The following SATL1 variants were observed in gnomAD, a reference collection of about 807,000 sequenced individuals.
SATL1 encodes the protein spermidine/spermine N1-acetyl transferase like 1, also known as spermidine/spermine N(1)-acetyltransferase-like protein 1.
SATL1 carries 47 observed loss-of-function variants against 51.8 expected under a neutral mutation model. The ratio of observed to expected loss-of-function variants is 0.91; its 90% CI spans 0.72 to 1.16. SATL1 has a LOEUF of 1.16. Ranked by LOEUF, SATL1 falls within the 50% of genes most tolerant of loss-of-function variation. SATL1 has a pLI of 0.00. For missense variants in SATL1, 520 were observed against 526.4 expected, an observed-to-expected ratio of 0.99 and a Z score of 0.12; for synonymous variants, 176 against 182.4, an observed-to-expected ratio of 0.97 and a Z score of 0.28.
chrX:85,170,230 C>A lies in SATL1; in HGVS notation c.-313+53975G>T, dbSNP rs140517340. Among the ~76,000 whole-genome samples the A allele has an allele frequency of 1.3e-4, 14 of 110,877 alleles. No individual in the cohort carries two copies. The East Asian group carries it at 3.4e-3, about 27-fold the overall frequency. ...ATCTGTACAACAAACCCCCATGAGA[C>A]GAGTTTTCCTCTATAACAAACCTGC... On this transcript the variant is annotated intron_variant, in intron 2 of 7. Transcript: ENST00000644105.
chrX:85,233,420 C>T (rs1310724565), intron 1 of SATL1, among the ~76,000 whole-genome samples: 1 of 112,219 alleles, frequency 8.9e-6, no homozygotes, highest in Non-Finnish European at 1.9e-5. Context: ...GAAAACATGA[C>T]CTCACCAAAC....
At chrX:85,225,332 G>T (rs1928257164) in intron 1 of SATL1, among the ~76,000 whole-genome samples, 2 of 112,167 alleles carry the variant, frequency 1.8e-5, no homozygotes, top group African/African-American at 6.5e-5. Context: ...CTGTAATACT[G>T]AATTAAAGTT....
At chrX:85,224,466 A>AT (rs962684172) in intron 1 of SATL1, 140 bp from the exon 2 acceptor site, 3 of 111,434 alleles carry the variant, frequency 2.7e-5, no homozygotes, top group African/African-American at 9.8e-5. Flanking sequence ...CTATGATAAA[A>AT]TTTTTTTCTA....
At chrX:85,168,194 G>T (rs1010046582) in intron 2 of SATL1, among the ~76,000 whole-genome samples, 3 of 111,220 alleles carry the variant, frequency 2.7e-5, no homozygotes, top group African/African-American at 9.8e-5. Context: ...ATGGGCAAAA[G>T]CTGGAAGTGT....
At chrX:85,145,448 T>A (rs1026564479) in intron 2 of SATL1, among the ~76,000 whole-genome samples, 1 of 112,165 alleles carries the variant, frequency 8.9e-6, no homozygotes, top group Admixed American at 9.5e-5. Context: ...TATTACTGTA[T>A]AATAGGCCAT....
At chrX:85,235,262 G>C (rs1040687324) in intron 1 of SATL1, among the ~76,000 whole-genome samples, 8 of 110,566 alleles carry the variant, frequency 7.2e-5, no homozygotes, top group African/African-American at 2.6e-4. Flanking sequence ...TAAAATAATA[G>C]ATGGAGACCT....
intron 2 of SATL1, among the ~76,000 whole-genome samples, chrX:85,119,663 A>G (rs12559726): frequency 0.029 from 3,188 of 110,938 alleles, 113 homozygotes; most frequent in African/African-American, 0.097. Flanking sequence ...GCCCTATTTA[A>G]GATGCTTAAA....
intron 4 of SATL1, among the ~76,000 whole-genome samples, chrX:85,101,368 G>C (rs762605339): frequency 8.9e-6 from 1 of 112,076 alleles, no homozygotes; most frequent in African/African-American, 3.2e-5. Flanking sequence ...ATTCCAAAAT[G>C]TGTAAATATC....
In SATL1 at chrX:85,145,979, C is replaced by G. The variant is rs184797225; in HGVS notation, c.-312-36699G>C. Among the ~76,000 whole-genome samples, 363 of 108,333 alleles carry G rather than the reference C, an allele frequency of 3.4e-3. 2 individuals carry two copies. Among genetic ancestry groups the G allele is most frequent in the African/African-American group, 0.011 (338 of 29,685 alleles). 94.1% of individuals were successfully genotyped at this position (108,333 alleles called of 115,157 possible). A position where few individuals can be genotyped will look rare whatever the true frequency, so the allele number is the denominator to read the frequency against. ...TGGCACGATCTCGGCTCACTGCAAGCTCCGCCTCCCGGGTTCACACCATTC... is the reference window on the plus strand; with the variant it reads ...TGGCACGATCTCGGCTCACTGCAAGGTCCGCCTCCCGGGTTCACACCATTC... On this transcript the variant is annotated intron_variant, in intron 2 of 7. Transcript: ENST00000644105.
rs72067285 is a variant in SATL1, at chrX:85,125,519, A to AGTGTGTGTGTGT, written c.-312-16251_-312-16240dup. 2.2e-3 allele frequency among the ~76,000 whole-genome samples: 213 copies of AGTGTGTGTGTGT among 98,620 alleles called. 1 individual carries two copies. Among genetic ancestry groups the AGTGTGTGTGTGT allele is most frequent in the African/African-American group, 7.4e-3 (202 of 27,130 alleles). The allele number at this position is 98,620 out of a possible 115,157, so 85.6% of individuals were successfully genotyped here. ...ACTTGAAGGTAAAAACACATAGGAA[A>AGTGTGTGTGTGT]GTGTGTGTGTGTGTGTGTGTGTGTG... On this transcript the variant is annotated intron_variant, in intron 2 of 7. Coordinates refer to ENST00000644105, the MANE Select transcript of SATL1 (RefSeq NM_001367857.2).
intron 2 of SATL1, among the ~76,000 whole-genome samples, chrX:85,191,318 T>C (rs775062356): frequency 1.8e-5 from 2 of 111,921 alleles, no homozygotes; most frequent in Admixed American, 1.9e-4. Flanking sequence ...ATGTATACAC[T>C]GTATATGATC....
intron 2 of SATL1, among the ~76,000 whole-genome samples, chrX:85,149,274 A>G (rs891386249): frequency 8.1e-5 from 9 of 111,666 alleles, no homozygotes; most frequent in Non-Finnish European, 1.7e-4. Flanking sequence ...ACTATCCTAA[A>G]TATATATGCA....
At chrX:85,155,104 C>T (rs1441992983) in intron 2 of SATL1, among the ~76,000 whole-genome samples, 1 of 111,213 alleles carries the variant, frequency 9.0e-6, no homozygotes, top group Non-Finnish European at 1.9e-5. Flanking sequence ...ACCATAATTC[C>T]GTATCCTTTC....
intron 2 of SATL1, among the ~76,000 whole-genome samples, chrX:85,124,066 T>A (rs1185950176): frequency 8.9e-6 from 1 of 112,119 alleles, no homozygotes; most frequent in Non-Finnish European, 1.9e-5. Flanking sequence ...GACTGTGTTA[T>A]TGACTCCATG....
At chrX:85,161,278 C>A (rs1419675595) in intron 2 of SATL1, among the ~76,000 whole-genome samples, 2 of 110,909 alleles carry the variant, frequency 1.8e-5, no homozygotes, top group Non-Finnish European at 3.8e-5. Flanking sequence ...TCTAACACAT[C>A]ATGATGACAG....
intron 2 of SATL1, among the ~76,000 whole-genome samples, chrX:85,113,995 A>C (rs763891548): frequency 8.9e-6 from 1 of 112,065 alleles, no homozygotes; most frequent in South Asian, 3.7e-4. Flanking sequence ...TTCACAAGAG[A>C]CTTTTATTGG....
intron 2 of SATL1, among the ~76,000 whole-genome samples, chrX:85,114,172 T>C (rs2147696783): frequency 8.9e-6 from 1 of 112,158 alleles, no homozygotes; most frequent in South Asian, 3.7e-4. Context: ...TCACAAACAG[T>C]TTCCAAATTA....
At chrX:85,209,089 G>A (rs750614688) in intron 2 of SATL1, 1 of 112,284 alleles carries the variant, frequency 8.9e-6, no homozygotes, top group East Asian at 2.8e-4. Context: ...AAGGGATCCA[G>A]TTTCAGCTTT....
intron 2 of SATL1, among the ~76,000 whole-genome samples, chrX:85,167,844 C>G (rs1242302842): frequency 9.0e-6 from 1 of 110,883 alleles, no homozygotes; most frequent in Non-Finnish European, 1.9e-5. Context: ...AAACTTCAGG[C>G]CTATATCCTT....
Sources: allele counts gnomAD v4.1 joint callset (sites outside exome capture counted in the v4.1 genomes callset), GRCh38; gene constraint gnomAD v4.1.1; transcripts MANE v1.5; gene names NCBI Gene and HGNC (gene_info 2026-07-23, HGNC 2026-07-21).